The following SLC15A5 variants were observed in gnomAD, a reference collection of about 807,000 sequenced individuals.
The protein encoded by SLC15A5 is Peptide/histidine transporter ENSP00000340402.
In SLC15A5, 58 loss-of-function variants were observed where a neutral mutation model predicts 56.1. The ratio of observed to expected loss-of-function variants is 1.03; its 90% CI spans 0.84 to 1.29. The LOEUF (loss-of-function observed/expected upper bound fraction) is 1.29, where lower values mean the gene tolerates loss of function less well. Ranked by LOEUF, SLC15A5 falls within the 50% of genes most tolerant of loss-of-function variation. The pLI is 0.00. For missense variants in SLC15A5, 681 were observed against 672.1 expected (o/e 1.01, Z -0.15); for synonymous variants, 264 against 250.5 (o/e 1.05, Z -0.51).
At chr12:16,258,300 T>C (rs895828208) in intron 2 of SLC15A5, among the ~76,000 whole-genome samples, 1 of 152,194 alleles carries the variant, frequency 6.6e-6, no homozygotes, top group African/African-American at 2.4e-5. Flanking sequence ...TATATTCCAG[T>C]TTTCAAAGTA....
At chr12:16,202,399 A>T (rs573036535) in intron 7 of SLC15A5, among the ~76,000 whole-genome samples, 1 of 152,324 alleles carries the variant, frequency 6.6e-6, no homozygotes, top group African/African-American at 2.4e-5. Flanking sequence ...CCACAATGAG[A>T]TATCACTTCA....
intron 3 of SLC15A5, among the ~76,000 whole-genome samples, chr12:16,251,220 A>T (rs1864515464): frequency 6.6e-6 from 1 of 151,900 alleles, no homozygotes; most frequent in Admixed American, 6.6e-5. Context: ...TTATAATGGC[A>T]AATGTTTACA....
chr12:16,258,726 G>A (rs1228010979), intron 2 of SLC15A5, among the ~76,000 whole-genome samples: 1 of 151,716 alleles, frequency 6.6e-6, no homozygotes, highest in East Asian at 1.9e-4. Context: ...AAATTTAAAG[G>A]GCTTATGTGA....
intron 7 of SLC15A5, among the ~76,000 whole-genome samples, chr12:16,207,275 T>G (rs1671527): frequency 0.18 from 27,070 of 152,192 alleles, 2,449 homozygotes; most frequent in East Asian, 0.27. Flanking sequence ...AAATGTTGAA[T>G]TTAAATAATT....
Position 16,189,910 on chromosome 12 carries a change from T to A in SLC15A5, c.1593-95A>T, listed in dbSNP as rs1046298563. The A allele has an allele frequency of 2.9e-5, 27 of 918,812 alleles. 1 individual carries two copies. The African/African-American group carries it at 4.0e-4, about 14-fold the overall frequency. The allele number at this position is 918,812 out of a possible 1,614,324, so 56.9% of individuals were successfully genotyped here. On this transcript the variant is annotated intron_variant, in intron 8 of 8. Transcript: ENST00000344941. ...TCCTGCGCTTGTCTACCTTTTATGATGGGCTCATAGATACTGGCACAACAG... is the reference window on the plus strand; with the variant it reads ...TCCTGCGCTTGTCTACCTTTTATGAAGGGCTCATAGATACTGGCACAACAG...
At chr12:16,195,388 A>G (rs1863883802) in intron 7 of SLC15A5, among the ~76,000 whole-genome samples, 1 of 152,138 alleles carries the variant, frequency 6.6e-6, no homozygotes, top group Admixed American at 6.6e-5. Flanking sequence ...AACAGCAAGG[A>G]GAACTAGTAT....
intron 7 of SLC15A5, among the ~76,000 whole-genome samples, chr12:16,200,378 A>G (rs1001270269): frequency 2.0e-5 from 3 of 151,956 alleles, no homozygotes; most frequent in African/African-American, 7.2e-5. Context: ...TCCCTTAAGT[A>G]ATGAAATCAT....
chr12:16,190,219 A>G (rs1203927527), intron 8 of SLC15A5, among the ~76,000 whole-genome samples: 2 of 152,172 alleles, frequency 1.3e-5, no homozygotes, highest in African/African-American at 2.4e-5. Flanking sequence ...GTCTATGAAT[A>G]TATTTCTAGA....
chr12:16,245,446 A>C (rs1316311577), intron 3 of SLC15A5, among the ~76,000 whole-genome samples: 1 of 152,238 alleles, frequency 6.6e-6, no homozygotes. Context: ...CTGCACGATC[A>C]GAAGCGCTTT....
chr12:16,273,892 T>C (rs1022732627), intron 1 of SLC15A5, among the ~76,000 whole-genome samples: 1 of 149,694 alleles, frequency 6.7e-6, no homozygotes, highest in African/African-American at 2.4e-5. Flanking sequence ...ATATATAATT[T>C]TACTTTTATA....
intron 7 of SLC15A5, among the ~76,000 whole-genome samples, chr12:16,210,222 C>G (rs577331828): frequency 1.2e-4 from 18 of 152,308 alleles, no homozygotes; most frequent in Non-Finnish European, 1.0e-4. Flanking sequence ...AATACCATTT[C>G]CAGGTACTCC....
intron 5 of SLC15A5, among the ~76,000 whole-genome samples, chr12:16,233,193 T>C (rs1026687560): frequency 5.3e-5 from 8 of 152,172 alleles, no homozygotes; most frequent in South Asian, 2.1e-4. Flanking sequence ...ACTTGTGCTA[T>C]GTAAAAATGC....
intron 7 of SLC15A5, among the ~76,000 whole-genome samples, chr12:16,213,058 A>AACAT (rs1379487587): frequency 6.6e-6 from 1 of 152,150 alleles, no homozygotes. Context: ...TGATAAAAGT[A>AACAT]ACATACTTGT....
At chr12:16,210,887 G>A (rs1238381052) in intron 7 of SLC15A5, among the ~76,000 whole-genome samples, 1 of 152,192 alleles carries the variant, frequency 6.6e-6, no homozygotes, top group African/African-American at 2.4e-5. Context: ...AAAGGTTAAT[G>A]ATATAGAATA....
intron 2 of SLC15A5, among the ~76,000 whole-genome samples, chr12:16,259,024 CTTTTTTTTTTTTT>C (rs5796661): frequency 7.9e-5 from 5 of 63,216 alleles, no homozygotes; most frequent in Non-Finnish European, 8.2e-5. Flanking sequence ...TCTTTCTTTC[CTTTTTTTTTTTTT>C]TTTTTTTTTT....
intron 6 of SLC15A5, among the ~76,000 whole-genome samples, chr12:16,223,557 TTTTG>T (rs1389819365): frequency 1.3e-5 from 2 of 152,348 alleles, no homozygotes; most frequent in Non-Finnish European, 2.9e-5. Context: ...AATAAACTTA[TTTTG>T]AACCTGTCTT....
intron 7 of SLC15A5, among the ~76,000 whole-genome samples, chr12:16,210,915 A>G (rs866628512): frequency 1.3e-5 from 2 of 152,336 alleles, no homozygotes; most frequent in African/African-American, 4.8e-5. Flanking sequence ...TCTGAAATAC[A>G]TAAAACCATT....
Position 16,244,593 on chromosome 12 carries a change from A to T in SLC15A5, c.962T>A (p.Met321Lys), listed in dbSNP as rs779754170. ...PLFIFQLLYR[M>K]CIMQIPSGYY... ...GCCTGTCCTTACCTGCATAATGCAC[A>T]TTCTGTATAGGAGCTGAAAAATGAA... is the stretch of plus-strand genomic sequence containing the variant. The change falls in exon 4 of 9, where the codon ATG (methionine) becomes AAG (lysine). Residue 321 changes from methionine to lysine, a missense_variant. Physicochemically the swap from Met to Lys is moderately conservative, Grantham distance 95. Coordinates refer to ENST00000344941, the MANE Select transcript of SLC15A5 (RefSeq NM_001170798.1). 2.0e-6 allele frequency: 3 copies of T among 1,537,608 alleles called. No homozygotes were observed. Among genetic ancestry groups the T allele is most frequent in the African/African-American group, 2.7e-5 (2 of 73,016 alleles).
At chr12:16,224,844 A>C (rs1033667865) in intron 5 of SLC15A5, among the ~76,000 whole-genome samples, 36 of 151,802 alleles carry the variant, frequency 2.4e-4, no homozygotes, top group African/African-American at 8.7e-4. Context: ...CGTCATTTAC[A>C]ATAGGTATAT....
Sources: gnomAD v4.1 joint callset for allele counts (sites outside exome capture counted in the v4.1 genomes callset) on GRCh38, gnomAD v4.1.1 for gene constraint, MANE v1.5 for transcripts, NCBI Gene and HGNC (gene_info 2026-07-23, HGNC 2026-07-21) for gene names.